Variants in GALNT7 observed in about 807,000 individuals in gnomAD.
The protein encoded by GALNT7 is polypeptide N-acetylgalactosaminyltransferase 7, also known as N-acetylgalactosaminyltransferase 7.
Under a neutral mutation model 82.1 loss-of-function variants are expected in GALNT7, and 60 were observed. That is an observed-to-expected ratio of 0.73 (90% CI 0.59 to 0.91). The LOEUF (loss-of-function observed/expected upper bound fraction) is 0.91. Among genes scored for constraint, GALNT7 ranks in the 40% least tolerant of loss-of-function variants. The pLI is 0.00. For missense variants in GALNT7, 660 were observed against 804.2 expected, an observed-to-expected ratio of 0.82 and a Z score of 2.17; for synonymous variants, 243 against 275.1, an observed-to-expected ratio of 0.88 and a Z score of 1.15.
rs547808505 is a variant in GALNT7, at chr4:173,261,051, T to C, written c.587+12611T>C. Among the ~76,000 whole-genome samples the C allele has an allele frequency of 4.7e-4, 71 of 152,370 alleles. No homozygotes were observed. In the Middle Eastern group the frequency reaches 0.01, roughly 22 times the overall value. ...AGCGCTTCTGTCCCACATCATTTAT[T>C]GTCCTGCATCTGTATAATTGTCGTC... On this transcript the variant is annotated intron_variant, in intron 2 of 11. Coordinates refer to ENST00000265000, the MANE Select transcript of GALNT7 (RefSeq NM_017423.3).
In GALNT7 at chr4:173,296,640, T is replaced by C. The variant is rs534955225; in HGVS notation, c.965+797T>C. On this transcript the variant is annotated intron_variant, in intron 5 of 11. Transcript: ENST00000265000. ...GAGGCTTAGAGAAATTAAGTAATTTTCCCCAAATCAGAGAGCTAATAAACT... is the reference window on the plus strand; with the variant it reads ...GAGGCTTAGAGAAATTAAGTAATTTCCCCCAAATCAGAGAGCTAATAAACT... Among the ~76,000 whole-genome samples, 78 of 152,274 alleles carry C rather than the reference T, an allele frequency of 5.1e-4. 2 individuals are homozygous for C. In the South Asian group the frequency reaches 0.015, roughly 30 times the overall value.
At chr4:173,313,502 T>C (rs1019807548) in intron 8 of GALNT7, among the ~76,000 whole-genome samples, 7 of 151,002 alleles carry the variant, frequency 4.6e-5, no homozygotes, top group South Asian at 4.2e-4. Context: ...ACCCAGGAAG[T>C]TGAAGCTGCA....
intron 2 of GALNT7, among the ~76,000 whole-genome samples, chr4:173,249,583 C>T (rs1734779886): frequency 6.6e-6 from 1 of 152,148 alleles, no homozygotes; most frequent in Non-Finnish European, 1.5e-5. Flanking sequence ...AATTTATTCC[C>T]AGTAGAGACT....
intron 1 of GALNT7, among the ~76,000 whole-genome samples, chr4:173,231,088 G>A (rs1215915710): frequency 1.3e-5 from 2 of 152,178 alleles, no homozygotes; most frequent in East Asian, 3.9e-4. Context: ...AGGTTGAAAA[G>A]CACTTTAGTC....
At chr4:173,268,255 CTATT>C (rs1735579321) in intron 2 of GALNT7, 1 of 153,626 alleles carries the variant, frequency 6.5e-6, no homozygotes, top group Admixed American at 6.6e-5. Context: ...AGGCATGTAT[CTATT>C]TAAAGACACT....
At chr4:173,315,852 C>G (rs1024577041) in intron 9 of GALNT7, 2 of 152,164 alleles carry the variant, frequency 1.3e-5, no homozygotes, top group Admixed American at 1.3e-4. Context: ...CCTATCTCCT[C>G]CCCCCAACCC....
chr4:173,288,429 A>ACT (rs1736419098), intron 2 of GALNT7, among the ~76,000 whole-genome samples: 1 of 152,120 alleles, frequency 6.6e-6, no homozygotes, highest in South Asian at 2.1e-4. Context: ...GAATTGAGGA[A>ACT]CTAGAGGTTT....
At chr4:173,170,862 C>T (rs1246381550) in intron 1 of GALNT7, among the ~76,000 whole-genome samples, 1 of 152,164 alleles carries the variant, frequency 6.6e-6, no homozygotes, top group Non-Finnish European at 1.5e-5. Context: ...GCATCACTTG[C>T]CAACTCGTGG....
intron 1 of GALNT7, among the ~76,000 whole-genome samples, chr4:173,198,895 A>T (rs1055524189): frequency 6.6e-6 from 1 of 152,168 alleles, no homozygotes; most frequent in Non-Finnish European, 1.5e-5. Flanking sequence ...TTCAGATCAG[A>T]TGGTCATAAA....
intron 2 of GALNT7, among the ~76,000 whole-genome samples, chr4:173,258,815 G>C (rs112354678): frequency 2.0e-5 from 3 of 152,324 alleles, no homozygotes; most frequent in African/African-American, 7.2e-5. Context: ...TTGTGTTCCA[G>C]TTTGCTACAG....
At position 173,172,483 on chromosome 4, in the gene GALNT7, T is replaced by G. The variant is rs561482340; in HGVS notation, c.126+3522T>G. 2.6e-5 allele frequency among the ~76,000 whole-genome samples: 4 copies of G among 152,266 alleles called. No homozygotes were observed. In the South Asian group the frequency reaches 8.3e-4, roughly 32 times the overall value. ...ACCTGCTGATAACCAGCTTTAGGTG[T>G]TTTCTATCTAATGGGAGACTGCCTT... is the stretch of plus-strand genomic sequence containing the variant. On this transcript the variant is annotated intron_variant, in intron 1 of 11. Transcript: ENST00000265000.
intron 1 of GALNT7, among the ~76,000 whole-genome samples, chr4:173,217,011 G>T (rs1733493554): frequency 6.6e-6 from 1 of 151,926 alleles, no homozygotes; most frequent in South Asian, 2.1e-4. Flanking sequence ...GATTACAGGT[G>T]TGAGCCACCA....
intron 2 of GALNT7, among the ~76,000 whole-genome samples, chr4:173,265,861 C>T (rs1369727231): frequency 1.3e-5 from 2 of 151,986 alleles, no homozygotes; most frequent in African/African-American, 4.8e-5. Flanking sequence ...TGGATGGGAG[C>T]CCAGTGCATA....
At chr4:173,211,118 A>G (rs904598802) in intron 1 of GALNT7, among the ~76,000 whole-genome samples, 4 of 152,162 alleles carry the variant, frequency 2.6e-5, no homozygotes, top group African/African-American at 9.7e-5. Flanking sequence ...CAAGTACTCA[A>G]TAGCTACATA....
chr4:173,245,372 A>G (rs1218329029), intron 1 of GALNT7, among the ~76,000 whole-genome samples: 1 of 152,160 alleles, frequency 6.6e-6, no homozygotes, highest in East Asian at 1.9e-4. Context: ...GTATTTCACA[A>G]TTTGATTTCA....
chr4:173,181,285 G>T (rs57303879), intron 1 of GALNT7, among the ~76,000 whole-genome samples: 2,131 of 152,188 alleles, frequency 0.014, 47 homozygotes, highest in African/African-American at 0.047. Context: ...CTGCAGTTTC[G>T]TTAACTGTTG....
chr4:173,212,549 A>AT (rs1309926718), intron 1 of GALNT7, among the ~76,000 whole-genome samples: 2 of 151,952 alleles, frequency 1.3e-5, no homozygotes. Context: ...ATCCAAAGAG[A>AT]TGAAGGGATT....
chr4:173,292,239 C>A lies in GALNT7; in HGVS notation c.719C>A (p.Ala240Glu). Residue 240 changes from alanine to glutamate, a missense_variant, in exon 3 of 12, where the codon GCA (alanine) becomes GAA (glutamate). Ala to Glu is a moderately radical substitution (Grantham distance 107, BLOSUM62 -1). Coordinates refer to ENST00000265000, the MANE Select transcript of GALNT7 (RefSeq NM_017423.3). This position sits in a 1 kb window ranked among gnomAD's most constrained non-coding sequence, Gnocchi z 4.8. ...AAAAGGACTCCAAGGAAATATTTAG[C>A]AGAAATTGTGTTAATTGACGATTTC... ...VIKRTPRKYL[A>E]EIVLIDDFSN... is the part of the protein sequence containing the mutation. The A allele has an allele frequency of 6.3e-7, 1 of 1,578,834 alleles. No individual in the cohort carries two copies. Among genetic ancestry groups the A allele is most frequent in the Non-Finnish European group, 8.6e-7 (1 of 1,162,418 alleles).
At chr4:173,284,131 T>C (rs1432532922) in intron 2 of GALNT7, among the ~76,000 whole-genome samples, 1 of 152,272 alleles carries the variant, frequency 6.6e-6, no homozygotes, top group Non-Finnish European at 1.5e-5. Context: ...TAACTCTTGT[T>C]CTGCTTAATA....
Sources: allele counts gnomAD v4.1 joint callset (sites outside exome capture counted in the v4.1 genomes callset), GRCh38; gene constraint gnomAD v4.1.1; non-coding constraint Gnocchi (gnomAD v3.1); transcripts MANE v1.5; gene names NCBI Gene and HGNC (gene_info 2026-07-23, HGNC 2026-07-21).